Variants in SLC26A8 observed in about 807,000 individuals in gnomAD.
The protein encoded by SLC26A8 is solute carrier family 26 member 8.
A neutral mutation model predicts 105.0 loss-of-function variants in SLC26A8; 70 were observed. The observed-to-expected ratio is 0.67, with a 90% CI of 0.55 to 0.81. SLC26A8 has a LOEUF of 0.81. Among genes scored for constraint, SLC26A8 ranks in the 40% least tolerant of loss-of-function variants. The pLI, the probability that SLC26A8 is intolerant of heterozygous loss-of-function variation, is 0.00. For missense variants in SLC26A8, 998 were observed against 1,181.8 expected, an observed-to-expected ratio of 0.84 and a Z score of 2.28; for synonymous variants, 415 against 438.3, an observed-to-expected ratio of 0.95 and a Z score of 0.66.
chr6:35,951,014 T>G (rs113450868), intron 19 of SLC26A8, 149 bp downstream of exon 19: 1 of 780,878 alleles, frequency 1.3e-6, no homozygotes, highest in African/African-American at 1.7e-5. Context: ...CATCCCAGAT[T>G]CTGGTACAGC....
intron 17 of SLC26A8, among the ~76,000 whole-genome samples, chr6:35,952,713 A>G (rs1035612740): frequency 1.3e-5 from 2 of 152,060 alleles, no homozygotes; most frequent in Non-Finnish European, 2.9e-5. Flanking sequence ...GCTGTCTCCA[A>G]TAAGAATGGA....
At chr6:35,954,030 G>A (rs941500231) in intron 17 of SLC26A8, among the ~76,000 whole-genome samples, 3 of 152,180 alleles carry the variant, frequency 2.0e-5, no homozygotes, top group African/African-American at 7.2e-5. Flanking sequence ...CACCATGAGT[G>A]TTCAGGATGT....
At chr6:35,955,736 G>A (rs139244077) in intron 16 of SLC26A8, among the ~76,000 whole-genome samples, 4 of 151,978 alleles carry the variant, frequency 2.6e-5, no homozygotes, top group Non-Finnish European at 5.9e-5. Context: ...CACCACCCAC[G>A]ACACCCCCCT....
intron 3 of SLC26A8, 42 bp downstream of exon 3, chr6:36,012,191 G>A (rs1319940726): frequency 6.2e-7 from 1 of 1,601,004 alleles, no homozygotes; most frequent in South Asian, 1.1e-5. Context: ...GACAAGGTCT[G>A]ATACATTGTC....
chr6:36,006,185 T>A (rs899496875), intron 3 of SLC26A8, among the ~76,000 whole-genome samples: 1 of 152,174 alleles, frequency 6.6e-6, no homozygotes, highest in Non-Finnish European at 1.5e-5. Context: ...AGTGGTGTGA[T>A]CTCAGTTTAC....
intron 2 of SLC26A8, among the ~76,000 whole-genome samples, chr6:36,015,404 C>A (rs1166950317): frequency 6.6e-6 from 1 of 152,162 alleles, no homozygotes; most frequent in Non-Finnish European, 1.5e-5. Context: ...AGCCACTGTG[C>A]CCAGCCAGAA....
At chr6:35,996,966 C>T (rs1300353445) in intron 5 of SLC26A8, among the ~76,000 whole-genome samples, 1 of 151,316 alleles carries the variant, frequency 6.6e-6, no homozygotes, top group African/African-American at 2.4e-5. Flanking sequence ...ACCTGGGAGG[C>T]GGAGATTGCA....
intron 19 of SLC26A8, 64 bp downstream of exon 19, chr6:35,951,099 T>TCCCCCCC: frequency 2.5e-6 from 1 of 404,132 alleles, no homozygotes; most frequent in South Asian, 2.4e-5. Flanking sequence ...CAACCACCCC[T>TCCCCCCC]CACCCATCCC....
rs1224752648 is a variant in SLC26A8 at position 35,943,934 on chromosome 6, T to C, written c.2879A>G (p.Tyr960Cys). 1 of 1,614,164 alleles carries C rather than the reference T, an allele frequency of 6.2e-7. No individual in the cohort carries two copies. The highest frequency in any genetic ancestry group is 8.5e-7 in the Non-Finnish European group (1 of 1,180,012). ...TTCATTGCTGTTGCCCTCTGGTGAG[T>C]ATGAATCCATAGGATGGCGTCTCCT... ...VERRRHPMDSYSPEGNSNEDV is the reference protein window; with the variant it reads ...VERRRHPMDSCSPEGNSNEDV Residue 960 changes from tyrosine to cysteine, a missense_variant, in exon 20 of 20, where the codon TAC (tyrosine) becomes TGC (cysteine). Tyr to Cys is a radical substitution (Grantham distance 194). Coordinates refer to ENST00000490799, the MANE Select transcript of SLC26A8 (RefSeq NM_052961.4).
In SLC26A8 at chr6:35,959,445, A is replaced by C; in HGVS notation, c.1863+15T>G. The C allele has an allele frequency of 6.3e-7, 1 of 1,589,242 alleles. No homozygotes were observed. Among genetic ancestry groups the C allele is most frequent in the South Asian group, 1.2e-5 (1 of 86,662 alleles). The stretch of plus-strand genomic sequence containing the variant: ...AATATGGAGAAAAACATAGGAAAGA[A>C]AAGGCATTTCTAACCCTGGGCAGCG... On this transcript the variant is annotated intron_variant, in intron 16 of 19. Coordinates refer to ENST00000490799, the MANE Select transcript of SLC26A8 (RefSeq NM_052961.4).
chr6:35,986,097 C>T (rs1333683278), intron 7 of SLC26A8, among the ~76,000 whole-genome samples: 1 of 129,106 alleles, frequency 7.7e-6, no homozygotes, highest in East Asian at 2.5e-4. Flanking sequence ...TGCAATGGCA[C>T]AATCCCGGCT....
chr6:35,971,068 T>C (rs1407341122), intron 10 of SLC26A8, among the ~76,000 whole-genome samples: 1 of 151,720 alleles, frequency 6.6e-6, no homozygotes. Flanking sequence ...AAATCCTAAG[T>C]CAAAATGAGC....
chr6:36,023,546 CAAAAAAAAAAA>C (rs59633591), intron 1 of SLC26A8, among the ~76,000 whole-genome samples: 2 of 63,530 alleles, frequency 3.1e-5, no homozygotes, highest in Non-Finnish European at 6.4e-5. Flanking sequence ...GACTCTGTCT[CAAAAAAAAAAA>C]AAAAAAAAAA....
At chr6:35,966,001 CAAAA>C (rs67198897) in intron 11 of SLC26A8, among the ~76,000 whole-genome samples, 3 of 95,688 alleles carry the variant, frequency 3.1e-5, no homozygotes, top group Non-Finnish European at 2.2e-5. Flanking sequence ...ACTCTCATCT[CAAAA>C]AAAAAAAAAA....
At chr6:35,959,127 T>C (rs180712461) in intron 16 of SLC26A8, among the ~76,000 whole-genome samples, 101 of 152,314 alleles carry the variant, frequency 6.6e-4, no homozygotes, top group African/African-American at 2.1e-3. Context: ...AATCTAAAGC[T>C]TGGCCGCTAA....
intron 8 of SLC26A8, among the ~76,000 whole-genome samples, chr6:35,978,555 T>C (rs1046913512): frequency 2.0e-5 from 3 of 152,196 alleles, no homozygotes; most frequent in Admixed American, 2.0e-4. Flanking sequence ...AAGACAAATA[T>C]GTATGCCTCA....
At chr6:36,006,874 C>A (rs1423940408) in intron 3 of SLC26A8, among the ~76,000 whole-genome samples, 1 of 152,070 alleles carries the variant, frequency 6.6e-6, no homozygotes, top group African/African-American at 2.4e-5. Flanking sequence ...TATTAATCAT[C>A]TAAAGAGAAA....
chr6:35,983,311 T>C (rs1427480371), intron 7 of SLC26A8, among the ~76,000 whole-genome samples: 1 of 152,196 alleles, frequency 6.6e-6, no homozygotes, highest in Non-Finnish European at 1.5e-5. Flanking sequence ...TATTTCCAGT[T>C]TAAAGGTAAT....
chr6:35,977,206 G>A lies in SLC26A8; in HGVS notation c.1171C>T (p.Gln391Ter). ...SLHNYSVNSN[Q>*]DLIAIGLCNV... ...AGAGGAAGTAGTAGTCCTCTCACCT[G>A]GTTGGAATTGACACTGTAATTGTGA... Residue 391 changes from glutamine (Q) to a stop codon, truncating the protein, a stop_gained and splice_region_variant, in exon 9 of 20, where the codon CAG (glutamine) becomes TAG (stop). Transcript: ENST00000490799. LOFTEE classifies it high-confidence loss of function. 6.2e-7 allele frequency: 1 copy of A among 1,613,356 alleles called. No homozygotes were observed. Among genetic ancestry groups the A allele is most frequent in the South Asian group, 1.1e-5 (1 of 90,952 alleles).
Sources: allele counts gnomAD v4.1 joint callset (sites outside exome capture counted in the v4.1 genomes callset), GRCh38; gene constraint gnomAD v4.1.1; transcripts MANE v1.5; gene names NCBI Gene and HGNC (gene_info 2026-07-23, HGNC 2026-07-21).